KLHDC4: variants seen among roughly 807,000 people sequenced by gnomAD.
KLHDC4 encodes the protein kelch domain-containing protein 4.
A neutral mutation model predicts 62.4 loss-of-function variants in KLHDC4; 90 were observed. That is an observed-to-expected ratio of 1.44 (90% confidence interval 1.22 to 1.72). KLHDC4 has a LOEUF of 1.72. Among genes scored for constraint, KLHDC4 ranks in the 40% most tolerant of loss-of-function variants. The probability of loss-of-function intolerance (pLI) is 0.00; values close to 1 mark genes in which losing one functional copy is unlikely to be tolerated. For synonymous variants in KLHDC4, 386 were observed against 284.4 expected, an observed-to-expected ratio of 1.36 and a Z score of -3.59; for missense variants, 1,025 against 699.7, an observed-to-expected ratio of 1.47 and a Z score of -5.25.
chr16:87,701,417 T>C (rs1597320801), exon 1 of KLHDC4: 1 of 343,072 alleles, frequency 2.9e-6, no homozygotes, highest in Non-Finnish European at 5.8e-6. Flanking sequence ...TCTTTAAGTC[T>C]GTTTCTTCAT....
At chr16:87,729,176 G>C (rs879939634) in intron 6 of KLHDC4, 2 of 152,136 alleles carry the variant, frequency 1.3e-5, no homozygotes, top group Non-Finnish European at 1.5e-5. Flanking sequence ...CAAAATTAAT[G>C]AGACTATATC....
At chr16:87,714,457 C>T (rs531500776) in intron 8 of KLHDC4, 41 bp downstream of exon 8, 1 of 1,611,906 alleles carries the variant, frequency 6.2e-7, no homozygotes, top group Non-Finnish European at 8.5e-7. Context: ...CCGCCACACA[C>T]AGACCAGCCA....
intron 2 of KLHDC4, 92 bp downstream of exon 2, chr16:87,761,857 T>C: frequency 3.4e-6 from 4 of 1,190,008 alleles, no homozygotes; most frequent in Non-Finnish European, 4.9e-6. Flanking sequence ...CCCAAGTGCC[T>C]GGTCATTTAC....
intron 4 of KLHDC4, among the ~76,000 whole-genome samples, chr16:87,753,777 G>A (rs951547309): frequency 2.0e-5 from 3 of 150,864 alleles, no homozygotes; most frequent in Non-Finnish European, 2.9e-5. Flanking sequence ...CTCCAGCCTG[G>A]GCAACAAGAG....
intron 4 of KLHDC4, among the ~76,000 whole-genome samples, chr16:87,750,581 C>G (rs370551340): frequency 5.9e-5 from 9 of 152,224 alleles, no homozygotes. Context: ...TGGTTCCACA[C>G]AGGGCGCAGA....
intron 6 of KLHDC4, among the ~76,000 whole-genome samples, chr16:87,729,945 T>C (rs748727659): frequency 3.3e-5 from 5 of 152,136 alleles, no homozygotes; most frequent in Admixed American, 6.6e-5. Flanking sequence ...GAGAATCCCA[T>C]TTTATTTTTT....
intron 6 of KLHDC4, among the ~76,000 whole-genome samples, chr16:87,727,620 G>A (rs945949343): frequency 6.6e-4 from 100 of 152,346 alleles, no homozygotes; most frequent in African/African-American, 2.3e-3. Flanking sequence ...CAGGGAAGTG[G>A]CAGCTTTGCT....
downstream of KLHDC4, among the ~76,000 whole-genome samples, chr16:87,705,238 G>A (rs1170842626): frequency 2.6e-5 from 4 of 152,248 alleles, no homozygotes; most frequent in Admixed American, 1.3e-4. Flanking sequence ...GGCCGCTCAC[G>A]CCCTACGGTG....
At chr16:87,718,872 C>T (rs1040057932) in intron 7 of KLHDC4, among the ~76,000 whole-genome samples, 2 of 151,754 alleles carry the variant, frequency 1.3e-5, no homozygotes, top group Non-Finnish European at 2.9e-5. Context: ...CTCTGTCCGG[C>T]CGCGACCCCG....
chr16:87,765,544 C>A (rs1310753227), intron 1 of KLHDC4, among the ~76,000 whole-genome samples: 1 of 152,210 alleles, frequency 6.6e-6, no homozygotes, highest in South Asian at 2.1e-4. Context: ...TGACACCACA[C>A]TAAGAAAAGC....
chr16:87,758,794 G>A (rs184373799), intron 2 of KLHDC4, among the ~76,000 whole-genome samples: 1 of 152,334 alleles, frequency 6.6e-6, no homozygotes, highest in East Asian at 1.9e-4. Flanking sequence ...TATTTGGGGT[G>A]ATAAAACAAT....
chr16:87,698,176 G>C (rs1042833831), exon 1 of KLHDC4: 1 of 152,444 alleles, frequency 6.6e-6, no homozygotes, highest in Non-Finnish European at 1.5e-5. Context: ...ATTGTTTTCC[G>C]TTACATGTTC....
intron 8 of KLHDC4, among the ~76,000 whole-genome samples, chr16:87,713,768 G>A: frequency 6.6e-6 from 1 of 152,186 alleles, no homozygotes; most frequent in Non-Finnish European, 1.5e-5. Context: ...CCATGTAAAG[G>A]GCTGTCCCCT....
intron 6 of KLHDC4, among the ~76,000 whole-genome samples, chr16:87,728,949 T>G (rs1317669931): frequency 3.3e-5 from 5 of 152,196 alleles, no homozygotes; most frequent in African/African-American, 1.2e-4. Context: ...TAATTTTTTG[T>G]ATTTTTTAGT....
chr16:87,716,169 T>G (rs1049793868), intron 7 of KLHDC4, among the ~76,000 whole-genome samples: 2 of 150,164 alleles, frequency 1.3e-5, no homozygotes, highest in African/African-American at 4.8e-5. Context: ...CTATGTCTCG[T>G]GGATATTGAC....
intron 7 of KLHDC4, among the ~76,000 whole-genome samples, chr16:87,720,842 G>A (rs2038149632): frequency 6.6e-6 from 1 of 152,208 alleles, no homozygotes. Flanking sequence ...CCTCTTTGGG[G>A]ACACTGCTGT....
Position 87,726,759 on chromosome 16 carries a change from C to T in KLHDC4, c.759+6G>A. 1 of 1,558,718 alleles carries T rather than the reference C, an allele frequency of 6.4e-7. No individual in the cohort carries two copies. Among genetic ancestry groups the T allele is most frequent in the Non-Finnish European group, 8.6e-7 (1 of 1,156,606 alleles). On this transcript the variant is annotated splice_donor_region_variant and intron_variant, in intron 7 of 11. Coordinates refer to ENST00000270583, the MANE Select transcript of KLHDC4 (RefSeq NM_017566.4). ...GCCTTGCCTGTTTCCCCACCCCCCG[C>T]CTTACCTGTTTCGAGTAGCCCCCAT...
rs185092287 is a variant in KLHDC4, at chr16:87,752,672, T to C, written c.369+2522A>G. Among the ~76,000 whole-genome samples, 756 of 152,168 alleles carry C rather than the reference T, an allele frequency of 5.0e-3. 5 individuals carry two copies. Among genetic ancestry groups the C allele is most frequent in the Non-Finnish European group, 6.6e-3 (448 of 67,996 alleles). On this transcript the variant is annotated intron_variant, in intron 4 of 11. Coordinates refer to ENST00000270583, the MANE Select transcript of KLHDC4 (RefSeq NM_017566.4). ...TCAACATCCTTTCCTCCATCTTAGTTACAATCCCAGGCTTGACCCAGTCCG... is the reference window on the plus strand; with the variant it reads ...TCAACATCCTTTCCTCCATCTTAGTCACAATCCCAGGCTTGACCCAGTCCG...
intron 8 of KLHDC4, among the ~76,000 whole-genome samples, chr16:87,712,176 C>T (rs1279619813): frequency 5.3e-5 from 8 of 152,174 alleles, no homozygotes; most frequent in Admixed American, 2.0e-4. Flanking sequence ...TCTTGGCACG[C>T]GCCTATGTGA....
Sources: gnomAD v4.1 joint callset for allele counts (sites outside exome capture counted in the v4.1 genomes callset) on GRCh38, gnomAD v4.1.1 for gene constraint, MANE v1.5 for transcripts, NCBI Gene and HGNC (gene_info 2026-07-23, HGNC 2026-07-21) for gene names.